Variants in TMEM132B observed in about 807,000 individuals in gnomAD.
TMEM132B encodes the protein transmembrane protein 132B.
In TMEM132B, 18 loss-of-function variants were observed where a neutral mutation model predicts 90.8. The ratio of observed to expected loss-of-function variants is 0.20; its 90% CI spans 0.14 to 0.29. TMEM132B has a LOEUF of 0.29. TMEM132B is among the 10% of genes least tolerant of loss of function. TMEM132B has a pLI of 1.00. For synonymous variants in TMEM132B, 504 were observed against 523.3 expected (o/e 0.96, Z 0.50); for missense variants, 1,096 against 1,326.8 (o/e 0.83, Z 2.70).
chr12:125,190,655 G>T (rs1957794353), intron 1 of TMEM132B, among the ~76,000 whole-genome samples: 1 of 45,568 alleles, frequency 2.2e-5, no homozygotes, highest in Non-Finnish European at 4.6e-5. Context: ...GGTGGCGATG[G>T]TGATGGGGAA....
chr12:125,592,303 C>T (rs1039014573), intron 5 of TMEM132B, among the ~76,000 whole-genome samples: 2 of 152,154 alleles, frequency 1.3e-5, no homozygotes, highest in African/African-American at 4.8e-5. Flanking sequence ...GGGATGAACT[C>T]TTTCACACTT....
At chr12:125,526,100 C>T (rs1468424325) in intron 4 of TMEM132B, among the ~76,000 whole-genome samples, 1 of 152,180 alleles carries the variant, frequency 6.6e-6, no homozygotes, top group Non-Finnish European at 1.5e-5. Context: ...GGGTGGGAGG[C>T]TGTGTCCTCG....
chr12:125,309,321 C>G (rs1179341621), intron 1 of TMEM132B, among the ~76,000 whole-genome samples: 1 of 152,110 alleles, frequency 6.6e-6, no homozygotes, highest in Non-Finnish European at 1.5e-5. Context: ...GATGTTTGTT[C>G]TTTTAGGGGT....
chr12:125,199,266 G>A (rs1168557878), intron 1 of TMEM132B, among the ~76,000 whole-genome samples: 1 of 152,232 alleles, frequency 6.6e-6, no homozygotes, highest in Non-Finnish European at 1.5e-5. Context: ...CTCAATGAGG[G>A]AATGAAGGGG....
intron 1 of TMEM132B, among the ~76,000 whole-genome samples, chr12:125,267,326 C>T (rs938961929): frequency 3.3e-5 from 5 of 152,082 alleles, no homozygotes; most frequent in Middle Eastern, 3.4e-3. Flanking sequence ...AGTGCAGGGC[C>T]GCGAATTTCC....
chr12:125,549,792 A>G (rs573546269), intron 4 of TMEM132B, among the ~76,000 whole-genome samples: 104 of 152,318 alleles, frequency 6.8e-4, no homozygotes, highest in Middle Eastern at 3.4e-3. Flanking sequence ...TTGTTCACCG[A>G]TCACAGATTT....
intron 3 of TMEM132B, among the ~76,000 whole-genome samples, chr12:125,504,105 C>G (rs1277351222): frequency 6.6e-6 from 1 of 152,186 alleles, no homozygotes; most frequent in Non-Finnish European, 1.5e-5. Context: ...GAGAGCTCTT[C>G]ACTTAGGGAG....
Position 125,441,250 on chromosome 12 carries a change from CA to C in TMEM132B, c.1106+25577del, listed in dbSNP as rs1880859836. On this transcript the variant is annotated intron_variant, in intron 3 of 8. Coordinates refer to ENST00000682704, the MANE Select transcript of TMEM132B (RefSeq NM_001366854.1). ...ATATTATTAGCATCCATGTCTAGATCAAAAGTTGGGGGGAGATAGACAAAGA... is the reference window on the plus strand; with the variant it reads ...ATATTATTAGCATCCATGTCTAGATCAAAGTTGGGGGGAGATAGACAAAGA... Among the ~76,000 whole-genome samples, 3 of 152,152 alleles carry C rather than the reference CA, an allele frequency of 2.0e-5. No homozygotes were observed. In the South Asian group the frequency reaches 6.2e-4, roughly 32 times the overall value.
intron 4 of TMEM132B, 114 bp from the exon 5 acceptor site, chr12:125,583,737 G>A: frequency 1.6e-6 from 2 of 1,289,754 alleles, no homozygotes; most frequent in South Asian, 1.4e-5. Context: ...TCAGACAACT[G>A]TCTAAATCGC....
At chr12:125,472,829 T>C (rs1288428933) in intron 3 of TMEM132B, among the ~76,000 whole-genome samples, 1 of 152,198 alleles carries the variant, frequency 6.6e-6, no homozygotes, top group East Asian at 1.9e-4. Context: ...TCCAGAACTA[T>C]GAGTGATAAG....
Position 125,492,745 on chromosome 12 carries a change from A to G in TMEM132B, c.1107-26694A>G, listed in dbSNP as rs147894306. Among the ~76,000 whole-genome samples, 288 of 152,210 alleles carry G rather than the reference A, an allele frequency of 1.9e-3. 2 individuals carry two copies. Among genetic ancestry groups the G allele is most frequent in the African/African-American group, 6.4e-3 (265 of 41,544 alleles). On this transcript the variant is annotated intron_variant, in intron 3 of 8. Coordinates refer to ENST00000682704, the MANE Select transcript of TMEM132B (RefSeq NM_001366854.1). This position sits in a 1 kb window ranked among gnomAD's most constrained non-coding sequence, Gnocchi z 5.8. ...GGGTCTGTCCTGTGAAGAAACCTGC[A>G]TGTTGTCCACTCAGCCACTCAGCCA...
chr12:125,419,883 T>A (rs1880122613), intron 3 of TMEM132B, among the ~76,000 whole-genome samples: 1 of 152,150 alleles, frequency 6.6e-6, no homozygotes, highest in African/African-American at 2.4e-5. Flanking sequence ...TTGGATAAAA[T>A]GAAGGGACTA....
chr12:125,488,221 A>G lies in TMEM132B; in HGVS notation c.1107-31218A>G, dbSNP rs147101671. Among the ~76,000 whole-genome samples, 473 of 152,326 alleles carry G rather than the reference A, an allele frequency of 3.1e-3. 3 individuals carry two copies. Among genetic ancestry groups the G allele is most frequent in the Middle Eastern group, 0.014 (4 of 294 alleles). ...TAGGGAAAAGACAAGGAAGGCTATT[A>G]TTATCATTGTTCTGACATTGTACTG... On this transcript the variant is annotated intron_variant, in intron 3 of 8. Coordinates refer to ENST00000682704, the MANE Select transcript of TMEM132B (RefSeq NM_001366854.1).
intron 2 of TMEM132B, among the ~76,000 whole-genome samples, chr12:125,413,666 T>C (rs770507330): frequency 6.6e-6 from 1 of 152,256 alleles, no homozygotes; most frequent in Non-Finnish European, 1.5e-5. Context: ...GTAGCATGTG[T>C]CAGAACTTCA....
At chr12:125,355,711 C>T (rs529055595) in intron 2 of TMEM132B, among the ~76,000 whole-genome samples, 1 of 152,280 alleles carries the variant, frequency 6.6e-6, no homozygotes, top group African/African-American at 2.4e-5. Flanking sequence ...AGATGTGACA[C>T]ATTTCATTCT....
chr12:125,647,434 T>C (rs1159273650), intron 6 of TMEM132B, among the ~76,000 whole-genome samples: 1 of 152,088 alleles, frequency 6.6e-6, no homozygotes, highest in Non-Finnish European at 1.5e-5. Context: ...CTTCTGAAAA[T>C]TAAAGACAAA....
chr12:125,551,308 G>A (rs1884223405), intron 4 of TMEM132B, among the ~76,000 whole-genome samples: 1 of 152,246 alleles, frequency 6.6e-6, no homozygotes, highest in South Asian at 2.1e-4. Flanking sequence ...AGCAGTGAGT[G>A]TGACAGAAAC....
chr12:125,479,352 G>A (rs1421197889), intron 3 of TMEM132B, among the ~76,000 whole-genome samples: 8 of 152,346 alleles, frequency 5.3e-5, no homozygotes, highest in Non-Finnish European at 7.4e-5. Flanking sequence ...TTAGTGTGCT[G>A]TATTTAGGAG....
At chr12:125,369,219 G>T (rs1014293805) in intron 2 of TMEM132B, among the ~76,000 whole-genome samples, 3 of 152,168 alleles carry the variant, frequency 2.0e-5, no homozygotes, top group Non-Finnish European at 4.4e-5. Flanking sequence ...TTTTATGGCT[G>T]CATAGTATTC....
Sources: gnomAD v4.1 joint callset for allele counts (sites outside exome capture counted in the v4.1 genomes callset) on GRCh38, gnomAD v4.1.1 for gene constraint, Gnocchi (gnomAD v3.1) non-coding constraint, MANE v1.5 for transcripts, NCBI Gene and HGNC (gene_info 2026-07-23, HGNC 2026-07-21) for gene names.